Variants in STAT1 observed in about 807,000 individuals in gnomAD.
STAT1 encodes signal transducer and activator of transcription 1-alpha/beta.
Under a neutral mutation model 111.7 loss-of-function variants are expected in STAT1, and 24 were observed. That is an observed-to-expected ratio of 0.21 (90% CI 0.16 to 0.30). STAT1 has a LOEUF of 0.30. Ranked by LOEUF, STAT1 falls within the 10% of genes least tolerant of loss-of-function variation. The pLI, the probability that STAT1 is intolerant of heterozygous loss-of-function variation, is 1.00. For synonymous variants in STAT1, 332 were observed against 326.5 expected (o/e 1.02, Z -0.18); for missense variants, 351 against 911.9 (o/e 0.38, Z 7.92).
Position 190,974,780 on chromosome 2 carries a change from G to A in STAT1, c.2238+50C>T. The A allele has an allele frequency of 6.6e-7, 1 of 1,518,174 alleles. No individual in the cohort carries two copies. Among genetic ancestry groups the A allele is most frequent in the Non-Finnish European group, 9.2e-7 (1 of 1,092,842 alleles). 94.0% of individuals were successfully genotyped at this position (1,518,174 alleles called of 1,614,324 possible). A position where few individuals can be genotyped will look rare whatever the true frequency, so the allele number is the denominator to read the frequency against. ...CTGCCATGGTGCGCTCCCTGCCTCTGAGCACACACACTTATTGAGAGCTAC... is the reference window on the plus strand; with the variant it reads ...CTGCCATGGTGCGCTCCCTGCCTCTAAGCACACACACTTATTGAGAGCTAC... On this transcript the variant is annotated intron_variant, in intron 24 of 24. Transcript: ENST00000361099. This position sits in a 1 kb window ranked among gnomAD's most constrained non-coding sequence, Gnocchi z 4.8.
rs1453402171 is a variant in STAT1 at position 190,989,550 on chromosome 2, G to C, written c.1097+65C>G. The stretch of plus-strand genomic sequence containing the variant: ...CTGCTTATTTAGTGGAGGAATCTGT[G>C]CTTGAGTAACAAAATCAACATTTCA... On this transcript the variant is annotated intron_variant, in intron 12 of 24. Transcript: ENST00000361099. The surrounding 1 kb of genome is among the most constrained non-coding windows in gnomAD (Gnocchi z 5.0). The C allele has an allele frequency of 8.3e-6, 9 of 1,084,022 alleles. No individual in the cohort carries two copies. The African/African-American group carries it at 1.1e-4, about 13-fold the overall frequency. The allele number at this position is 1,084,022 out of a possible 1,614,324, so 67.2% of individuals were successfully genotyped here.
rs535553700 is a variant in STAT1, at chr2:190,984,847, G to C, written c.1264-454C>G. Among the ~76,000 whole-genome samples, 115 of 152,200 alleles carry C rather than the reference G, an allele frequency of 7.6e-4. No homozygotes were observed. The highest frequency in any genetic ancestry group is 1.3e-3 in the Non-Finnish European group (90 of 68,036). On this transcript the variant is annotated intron_variant, in intron 15 of 24. Transcript: ENST00000361099. The surrounding 1 kb of genome is among the most constrained non-coding windows in gnomAD (Gnocchi z 5.2). ...AGTTGTCTTGGTTTCGGTAGAAATG[G>C]ATAGATTTCAAAGTGCCTTCATAAG...
chr2:190,989,748 T>C lies in STAT1; in HGVS notation c.1038-74A>G. 1 of 1,132,962 alleles carries C rather than the reference T, an allele frequency of 8.8e-7. No homozygotes were observed. Among genetic ancestry groups the C allele is most frequent in the Non-Finnish European group, 1.3e-6 (1 of 772,468 alleles). 70.2% of individuals were successfully genotyped at this position (1,132,962 alleles called of 1,614,324 possible). A position where few individuals can be genotyped will look rare whatever the true frequency, so the allele number is the denominator to read the frequency against. On this transcript the variant is annotated intron_variant, in intron 11 of 24. Coordinates refer to ENST00000361099, the MANE Select transcript of STAT1 (RefSeq NM_007315.4). This position sits in a 1 kb window ranked among gnomAD's most constrained non-coding sequence, Gnocchi z 5.0. ...ATTTATTTATTATGCCAATTCCCTA[T>C]TAACGTTTAGATAAACTACTCCCCC...
At position 191,003,160 on chromosome 2, in the gene STAT1, T is replaced by C. The variant is rs756122059; in HGVS notation, c.373-1997A>G. On this transcript the variant is annotated intron_variant, in intron 5 of 24. Transcript: ENST00000361099. This position sits in a 1 kb window ranked among gnomAD's most constrained non-coding sequence, Gnocchi z 4.0. ...TCTTCATAGGAAGTTTTCCTTCATG[T>C]TACATATTCTCCAACAGCAGAAGTT... Among the ~76,000 whole-genome samples the C allele has an allele frequency of 6.6e-6, 1 of 152,234 alleles. No individual in the cohort carries two copies. Among genetic ancestry groups the C allele is most frequent in the Admixed American group, 6.5e-5 (1 of 15,284 alleles).
At position 190,996,931 on chromosome 2, in the gene STAT1, C is replaced by A. The variant is rs145056087; in HGVS notation, c.785+925G>T. 9.7e-4 allele frequency among the ~76,000 whole-genome samples: 147 copies of A among 152,312 alleles called. No homozygotes were observed. Among genetic ancestry groups the A allele is most frequent in the African/African-American group, 3.2e-3 (135 of 41,570 alleles). ...TATCCTCCAGGCTGTGGCCAGAGTG[C>A]CCTTTCTAAATCAAAGATCAGAGAA... On this transcript the variant is annotated intron_variant, in intron 9 of 24. Transcript: ENST00000361099. The surrounding 1 kb of genome is among the most constrained non-coding windows in gnomAD (Gnocchi z 4.5).
Position 190,994,487 on chromosome 2 carries a change from G to A in STAT1, c.944+574C>T, listed in dbSNP as rs138502250. Among the ~76,000 whole-genome samples, 92 of 152,182 alleles carry A rather than the reference G, an allele frequency of 6.0e-4. 1 individual carries two copies. Among genetic ancestry groups the A allele is most frequent in the Admixed American group, 1.9e-3 (29 of 15,288 alleles). On this transcript the variant is annotated intron_variant, in intron 10 of 24. Transcript: ENST00000361099. ...AGACATGAGGAGGGGAGAGGAGGAG[G>A]TGAGGCATGTTAGGGTCACGGCGGA...
chr2:190,973,765 T>C lies in STAT1; in HGVS notation c.2238+1065A>G, dbSNP rs565197341. On this transcript the variant is annotated intron_variant, in intron 24 of 24. Transcript: ENST00000361099. This position sits in a 1 kb window ranked among gnomAD's most constrained non-coding sequence, Gnocchi z 4.4. ...CTGTTTTTCTAAATGGCCTATTTCG[T>C]CAACAACAATCAGGAAAGTGTAGGA... Among the ~76,000 whole-genome samples the C allele has an allele frequency of 7.2e-5, 11 of 152,274 alleles. No homozygotes were observed. In the South Asian group the frequency reaches 2.3e-3, roughly 32 times the overall value.
At position 191,007,234 on chromosome 2, in the gene STAT1, A is replaced by G. The variant is rs1694774689; in HGVS notation, c.372+329T>C. On this transcript the variant is annotated intron_variant, in intron 5 of 24. Coordinates refer to ENST00000361099, the MANE Select transcript of STAT1 (RefSeq NM_007315.4). This position sits in a 1 kb window ranked among gnomAD's most constrained non-coding sequence, Gnocchi z 4.2. ...GCCTGCTTCCATTCCTGTGCCAGCA[A>G]CTCAGAGGCCTTTCCTGACCCTGAT... is the stretch of plus-strand genomic sequence containing the variant. 6.6e-6 allele frequency among the ~76,000 whole-genome samples: 1 copy of G among 152,094 alleles called. No individual in the cohort carries two copies. Among genetic ancestry groups the G allele is most frequent in the South Asian group, 2.1e-4 (1 of 4,822 alleles).
At position 190,984,532 on chromosome 2, in the gene STAT1, C is replaced by A; in HGVS notation, c.1264-139G>T. 1.4e-6 allele frequency: 1 copy of A among 713,710 alleles called. No homozygotes were observed. The highest frequency in any genetic ancestry group is 2.5e-6 in the Non-Finnish European group (1 of 399,512). The allele number at this position is 713,710 out of a possible 1,614,324, so 44.2% of individuals were successfully genotyped here. A position where few individuals can be genotyped will look rare whatever the true frequency, so the allele number is the denominator to read the frequency against. ...CAAGTCTGAAGACTCAATATTCAAT[C>A]TCTCCCAGATTTAATGATTCTTAGT... On this transcript the variant is annotated intron_variant, in intron 15 of 24. Coordinates refer to ENST00000361099, the MANE Select transcript of STAT1 (RefSeq NM_007315.4). The surrounding 1 kb of genome is among the most constrained non-coding windows in gnomAD (Gnocchi z 5.2).
Position 190,974,893 on chromosome 2 carries a change from G to C in STAT1, c.2175C>G (p.Pro725=), listed in dbSNP as rs202223464. The change falls in exon 24 of 25, where the codon CCC becomes CCG. Residue 725 remains proline, a synonymous_variant. Transcript: ENST00000361099. The surrounding 1 kb of genome is among the most constrained non-coding windows in gnomAD (Gnocchi z 4.8). ...CCTCGTCAAACTCCTCAGGAGACAT[G>C]GGGAGCAGGTTGTCTGTGGTCTGAA... The part of the protein sequence containing the change: ...SRLQTTDNLL[P]MSPEEFDEVS... The C allele has an allele frequency of 1.2e-6, 2 of 1,614,216 alleles. No individual in the cohort carries two copies. The highest frequency in any genetic ancestry group is 1.6e-4 in the Middle Eastern group (1 of 6,062).
Position 190,993,491 on chromosome 2 carries a change from GCAAGACTTTCCAACCCCAGAGTCGC to G in STAT1, c.944+1545_944+1569del, listed in dbSNP as rs1693557577. ...TATCATCTGCAAACCTAAGAAGGAG[GCAAGACTTTCCAACCCCAGAGTCGC>G]CAATCAGAAGTAATTTGAATAAATA... On this transcript the variant is annotated intron_variant, in intron 10 of 24. Coordinates refer to ENST00000361099, the MANE Select transcript of STAT1 (RefSeq NM_007315.4). The surrounding 1 kb of genome is among the most constrained non-coding windows in gnomAD (Gnocchi z 4.1). 2.0e-6 allele frequency: 2 copies of G among 1,022,346 alleles called. No individual in the cohort carries two copies. The highest frequency in any genetic ancestry group is 2.7e-5 in the South Asian group (2 of 74,386). 63.3% of individuals were successfully genotyped at this position (1,022,346 alleles called of 1,614,324 possible).
At chr2:190,972,966 C>A (rs1691621626) in intron 24 of STAT1, among the ~76,000 whole-genome samples, 1 of 151,998 alleles carries the variant, frequency 6.6e-6, no homozygotes, top group African/African-American at 2.4e-5. Flanking sequence ...ATGTGCTTAG[C>A]ATATTTAAAT....
In STAT1 at chr2:190,981,415, C is replaced by T. The variant is rs918149703; in HGVS notation, c.1583-746G>A. Among the ~76,000 whole-genome samples, 4 of 152,126 alleles carry T rather than the reference C, an allele frequency of 2.6e-5. No individual in the cohort carries two copies. Among genetic ancestry groups the T allele is most frequent in the East Asian group, 1.9e-4 (1 of 5,198 alleles). On this transcript the variant is annotated intron_variant, in intron 18 of 24. Coordinates refer to ENST00000361099, the MANE Select transcript of STAT1 (RefSeq NM_007315.4). The surrounding 1 kb of genome is among the most constrained non-coding windows in gnomAD (Gnocchi z 4.1). Reference sequence around the variant, plus strand: ...GTGAGAGAAACGAGAGGAAGAAGCCCGGGGTTATTAGCTACACAAATTAAA... The same window carrying T: ...GTGAGAGAAACGAGAGGAAGAAGCCTGGGGTTATTAGCTACACAAATTAAA...
chr2:191,013,682 C>T lies in STAT1; in HGVS notation c.-155-4G>A. The T allele has an allele frequency of 2.5e-6, 1 of 398,476 alleles. No individual in the cohort carries two copies. The highest frequency in any genetic ancestry group is 4.4e-6 in the Non-Finnish European group (1 of 226,070). The allele number at this position is 398,476 out of a possible 1,614,324, so 24.7% of individuals were successfully genotyped here. A position where few individuals can be genotyped will look rare whatever the true frequency, so the allele number is the denominator to read the frequency against. ...GGCATACAGCAAATGAAACTTTCTGCGAAAAGAAGAAAACGTGACTGATGG... is the reference window on the plus strand; with the variant it reads ...GGCATACAGCAAATGAAACTTTCTGTGAAAAGAAGAAAACGTGACTGATGG... On this transcript the variant is annotated splice_region_variant and splice_polypyrimidine_tract_variant and intron_variant, in intron 1 of 24. Coordinates refer to ENST00000361099, the MANE Select transcript of STAT1 (RefSeq NM_007315.4).
In STAT1 at chr2:190,979,777, A is replaced by G; in HGVS notation, c.1722T>C (p.Asn574=). ...LIKKHLLPLW[N]DGCIMGFISK... is the part of the protein sequence containing the mutation. ...CATCTATCGGTGGCCCTTACCCATC[A>G]TTCCAGAGAGGGAGCAGGTGTTTTT... Residue 574 remains asparagine, a synonymous_variant, in exon 20 of 25, where the codon AAT becomes AAC. Transcript: ENST00000361099. The surrounding 1 kb of genome is among the most constrained non-coding windows in gnomAD (Gnocchi z 5.8). 6.2e-7 allele frequency: 1 copy of G among 1,612,850 alleles called. No homozygotes were observed. The highest frequency in any genetic ancestry group is 8.5e-7 in the Non-Finnish European group (1 of 1,178,822).
rs1286469165 is a variant in STAT1 at position 190,975,228 on chromosome 2, C to T, written c.2136-296G>A. The T allele has an allele frequency of 1.7e-5, 8 of 460,096 alleles. No homozygotes were observed. Among genetic ancestry groups the T allele is most frequent in the Non-Finnish European group, 2.6e-5 (6 of 232,320 alleles). The allele number at this position is 460,096 out of a possible 1,614,324, so 28.5% of individuals were successfully genotyped here. ...CCTAGGTGTGAGCATGTGCGGTGCA[C>T]TACCCTGAGATGACAATGCCTCGTG... On this transcript the variant is annotated intron_variant, in intron 23 of 24. Transcript: ENST00000361099. This position sits in a 1 kb window ranked among gnomAD's most constrained non-coding sequence, Gnocchi z 5.9.
chr2:190,970,655 A>G lies in STAT1; in HGVS notation c.*48T>C, dbSNP rs749380631. The G allele has an allele frequency of 1.9e-6, 3 of 1,600,160 alleles. No homozygotes were observed. The South Asian group carries it at 3.3e-5, about 18-fold the overall frequency. ...GAACAGAGTAGCAGGAGGGAATCAC[A>G]GATGAGAAGGAAAACTGTCGCCAGA... is the stretch of plus-strand genomic sequence containing the variant. On this transcript the variant is annotated 3_prime_UTR_variant, in exon 25 of 25. Transcript: ENST00000361099. The surrounding 1 kb of genome is among the most constrained non-coding windows in gnomAD (Gnocchi z 5.4).
chr2:191,009,313 A>T (rs1694948867), intron 3 of STAT1, among the ~76,000 whole-genome samples: 1 of 152,204 alleles, frequency 6.6e-6, no homozygotes. Flanking sequence ...AAAAATTCTA[A>T]ACTCTAAGAG....
rs1295474087 is a variant in STAT1 at position 191,000,030 on chromosome 2, G to A, written c.463-326C>T. Among the ~76,000 whole-genome samples the A allele has an allele frequency of 6.6e-6, 1 of 152,170 alleles. No individual in the cohort carries two copies. Among genetic ancestry groups the A allele is most frequent in the Non-Finnish European group, 1.5e-5 (1 of 68,038 alleles). ...TGAGATATGATTTAAGAACTCCACT[G>A]TGAAGCCCACAGCAGGCGGGGAAAA... On this transcript the variant is annotated intron_variant, in intron 6 of 24. Coordinates refer to ENST00000361099, the MANE Select transcript of STAT1 (RefSeq NM_007315.4). The surrounding 1 kb of genome is among the most constrained non-coding windows in gnomAD (Gnocchi z 4.8).
Sources: allele counts gnomAD v4.1 joint callset (sites outside exome capture counted in the v4.1 genomes callset), GRCh38; gene constraint gnomAD v4.1.1; non-coding constraint Gnocchi (gnomAD v3.1); transcripts MANE v1.5; gene names NCBI Gene and HGNC (gene_info 2026-07-23, HGNC 2026-07-21).